CUX2: variants seen among roughly 807,000 people sequenced by gnomAD.
The protein encoded by CUX2 is cut like homeobox 2.
Under a neutral mutation model 144.8 loss-of-function variants are expected in CUX2, and 40 were observed. That is an observed-to-expected ratio of 0.28 (90% CI 0.21 to 0.36). The LOEUF is 0.36. CUX2 is among the 10% of genes least tolerant of loss of function. CUX2 has a pLI of 1.00. For missense variants in CUX2, 1,615 were observed against 1,994.0 expected, an observed-to-expected ratio of 0.81 and a Z score of 3.62; for synonymous variants, 827 against 875.6, an observed-to-expected ratio of 0.94 and a Z score of 0.98.
intron 8 of CUX2, among the ~76,000 whole-genome samples, 158 bp downstream of exon 8, chr12:111,296,697 C>T (rs1227506018): frequency 1.4e-5 from 2 of 142,202 alleles, no homozygotes; most frequent in African/African-American, 2.6e-5. Flanking sequence ...CTGGCCATCC[C>T]AGACACGCCT....
chr12:111,122,733 A>G (rs1436650201), intron 1 of CUX2, among the ~76,000 whole-genome samples: 1 of 152,192 alleles, frequency 6.6e-6, no homozygotes, highest in African/African-American at 2.4e-5. Flanking sequence ...CACGAGCAAT[A>G]AATAATGTCC....
intron 3 of CUX2, among the ~76,000 whole-genome samples, chr12:111,222,266 C>T (rs1486076315): frequency 6.6e-6 from 1 of 152,168 alleles, no homozygotes; most frequent in Non-Finnish European, 1.5e-5. Context: ...TCATTTATTA[C>T]AGTCATTATT....
At chr12:111,099,673 C>T in intron 1 of CUX2, 1 of 456,638 alleles carries the variant, frequency 2.2e-6, no homozygotes, top group South Asian at 1.5e-5. Context: ...GGGGATGTCT[C>T]TGCCAGCTTT....
At chr12:111,265,116 A>G (rs1304344437) in intron 4 of CUX2, among the ~76,000 whole-genome samples, 1 of 152,026 alleles carries the variant, frequency 6.6e-6, no homozygotes, top group Non-Finnish European at 1.5e-5. Context: ...GTCAACCTGT[A>G]CTATTGGAAA....
At chr12:111,050,905 TTAGA>T (rs1294762537) in intron 1 of CUX2, among the ~76,000 whole-genome samples, 4 of 152,160 alleles carry the variant, frequency 2.6e-5, no homozygotes, top group South Asian at 2.1e-4. Flanking sequence ...AAACATACAA[TTAGA>T]TAGAAGGAAT....
intron 1 of CUX2, among the ~76,000 whole-genome samples, chr12:111,065,856 G>A (rs1340948069): frequency 6.6e-6 from 1 of 152,174 alleles, no homozygotes; most frequent in Admixed American, 6.5e-5. Flanking sequence ...CCTGGCAGTG[G>A]GACCCAGCAG....
Position 111,304,348 on chromosome 12 carries a change from G to T in CUX2, c.858+34G>T. 1 of 1,565,862 alleles carries T rather than the reference G, an allele frequency of 6.4e-7. No homozygotes were observed. Reference sequence around the variant, plus strand: ...GGGGTTGGGGAAGTGAGCAGGGAGGGCAGAGGGAAAGATCGGGAATGGCTG... The same window carrying T: ...GGGGTTGGGGAAGTGAGCAGGGAGGTCAGAGGGAAAGATCGGGAATGGCTG... On this transcript the variant is annotated intron_variant, in intron 10 of 21. Transcript: ENST00000261726. The surrounding 1 kb of genome is among the most constrained non-coding windows in gnomAD (Gnocchi z 4.7).
intron 3 of CUX2, among the ~76,000 whole-genome samples, chr12:111,254,990 C>T (rs1883742415): frequency 6.6e-6 from 1 of 152,194 alleles, no homozygotes; most frequent in Non-Finnish European, 1.5e-5. Flanking sequence ...GCTGAGATTA[C>T]AGGTACTCTC....
intron 18 of CUX2, among the ~76,000 whole-genome samples, chr12:111,333,053 C>G (rs1382685815): frequency 6.6e-6 from 1 of 152,080 alleles, no homozygotes; most frequent in Non-Finnish European, 1.5e-5. Context: ...ACTAAGAATA[C>G]AAAAAATTAG....
Position 111,160,683 on chromosome 12 carries a change from A to G in CUX2, c.64-53517A>G, listed in dbSNP as rs1352318418. Among the ~76,000 whole-genome samples the G allele has an allele frequency of 6.6e-6, 1 of 152,068 alleles. No homozygotes were observed. Among genetic ancestry groups the G allele is most frequent in the Non-Finnish European group, 1.5e-5 (1 of 68,020 alleles). ...CAGAGGAGTGACGCAGTCCAGTGGC[A>G]TTTTCAGGGGATTCCTCTGGAACAG... On this transcript the variant is annotated intron_variant, in intron 1 of 21. Transcript: ENST00000261726. The surrounding 1 kb of genome is among the most constrained non-coding windows in gnomAD (Gnocchi z 4.1).
At chr12:111,191,148 CAGTTT>C (rs1879850076) in intron 1 of CUX2, among the ~76,000 whole-genome samples, 1 of 152,120 alleles carries the variant, frequency 6.6e-6, no homozygotes, top group South Asian at 2.1e-4. Context: ...GTCTGAGCCT[CAGTTT>C]TCCCATGTAT....
chr12:111,134,616 C>CTG (rs1191021541), intron 1 of CUX2, among the ~76,000 whole-genome samples: 71 of 145,228 alleles, frequency 4.9e-4, no homozygotes, highest in African/African-American at 1.9e-3. Flanking sequence ...CTCTCTCTCT[C>CTG]TCTCTGTGTG....
chr12:111,084,629 A>T (rs1318008147), intron 1 of CUX2, among the ~76,000 whole-genome samples: 1 of 152,172 alleles, frequency 6.6e-6, no homozygotes, highest in Non-Finnish European at 1.5e-5. Flanking sequence ...ATTTCTGCGA[A>T]CTTGATTATA....
intron 1 of CUX2, among the ~76,000 whole-genome samples, chr12:111,056,252 T>C (rs1315472975): frequency 6.6e-6 from 1 of 152,216 alleles, no homozygotes; most frequent in Non-Finnish European, 1.5e-5. Context: ...CAGTCATTTG[T>C]TGCTGGGTAG....
At chr12:111,275,443 C>T (rs942770544) in intron 4 of CUX2, among the ~76,000 whole-genome samples, 9 of 152,170 alleles carry the variant, frequency 5.9e-5, no homozygotes, top group Non-Finnish European at 1.0e-4. Flanking sequence ...AATGAAGTCC[C>T]GCTCACACCC....
chr12:111,101,817 G>T (rs765494983), intron 1 of CUX2, among the ~76,000 whole-genome samples: 1 of 152,068 alleles, frequency 6.6e-6, no homozygotes, highest in African/African-American at 2.4e-5. Context: ...AGATTGGTTC[G>T]GTGTGTCCTA....
intron 1 of CUX2, among the ~76,000 whole-genome samples, chr12:111,133,788 C>T (rs1875666304): frequency 6.6e-6 from 1 of 152,106 alleles, no homozygotes; most frequent in South Asian, 2.1e-4. Flanking sequence ...AGAGTTTCCC[C>T]AGGCAGTGCA....
At chr12:111,099,813 C>T (rs1302925608) in intron 1 of CUX2, 3 of 419,324 alleles carry the variant, frequency 7.2e-6, no homozygotes, top group African/African-American at 6.1e-5. Flanking sequence ...CCTCTGTCCC[C>T]TCCATGCCCA....
intron 1 of CUX2, among the ~76,000 whole-genome samples, chr12:111,183,865 C>A (rs1192899966): frequency 6.6e-6 from 1 of 152,164 alleles, no homozygotes; most frequent in Non-Finnish European, 1.5e-5. Flanking sequence ...AAGGAGAATT[C>A]CAGGTCAAGG....
Sources: gnomAD v4.1 joint callset for allele counts (sites outside exome capture counted in the v4.1 genomes callset) on GRCh38, gnomAD v4.1.1 for gene constraint, Gnocchi (gnomAD v3.1) non-coding constraint, MANE v1.5 for transcripts, NCBI Gene and HGNC (gene_info 2026-07-23, HGNC 2026-07-21) for gene names.